Variants in PDE3B observed in about 807,000 individuals in gnomAD.
PDE3B encodes phosphodiesterase 3B.
A neutral mutation model predicts 116.8 loss-of-function variants in PDE3B; 66 were observed. That is an observed-to-expected ratio of 0.56 (90% CI 0.46 to 0.69). PDE3B has a LOEUF of 0.69. PDE3B is among the 30% of genes least tolerant of loss of function. PDE3B has a pLI of 0.00. For synonymous variants in PDE3B, 595 were observed against 533.6 expected (o/e 1.12, Z -1.59); for missense variants, 1,384 against 1,368.1 (o/e 1.01, Z -0.18).
At chr11:14,791,388 C>A (rs904592263) in intron 4 of PDE3B, among the ~76,000 whole-genome samples, 1 of 152,044 alleles carries the variant, frequency 6.6e-6, no homozygotes, top group Non-Finnish European at 1.5e-5. Context: ...GGTTTCTCAT[C>A]ATTCCAGCTG....
intron 7 of PDE3B, 49 bp downstream of exon 7, chr11:14,819,258 C>A (rs757888146): frequency 1.8e-6 from 2 of 1,103,626 alleles, no homozygotes; most frequent in East Asian, 2.4e-5. Context: ...AAATTTCTTA[C>A]AATGATTTTT....
Position 14,830,904 on chromosome 11 carries a change from T to G in PDE3B, c.1956+58T>G, listed in dbSNP as rs946584478. ...AGGTGAAATATAATACTGTTAGTAC[T>G]GGTTTCATTACTTTTGCCCAGAACA... On this transcript the variant is annotated intron_variant, in intron 8 of 15. Coordinates refer to ENST00000282096, the MANE Select transcript of PDE3B (RefSeq NM_000922.4). 1.0e-5 allele frequency: 12 copies of G among 1,152,072 alleles called. No homozygotes were observed. The South Asian group carries it at 2.8e-4, about 27-fold the overall frequency. 71.4% of individuals were successfully genotyped at this position (1,152,072 alleles called of 1,614,324 possible).
intron 1 of PDE3B, among the ~76,000 whole-genome samples, chr11:14,752,618 TTTA>T (rs932793116): frequency 6.6e-6 from 1 of 152,156 alleles, no homozygotes; most frequent in Non-Finnish European, 1.5e-5. Context: ...GTTGAAATGT[TTTA>T]TTAAATTTTA....
At chr11:14,891,492 C>T in the PDE3B span, 4 of 994,084 alleles carry the variant, frequency 4.0e-6, no homozygotes, top group Non-Finnish European at 4.8e-6. Context: ...CAGCAAACGC[C>T]TACACCAGTC....
At chr11:14,860,031 C>T (rs1847918112) in intron 13 of PDE3B, among the ~76,000 whole-genome samples, 1 of 152,114 alleles carries the variant, frequency 6.6e-6, no homozygotes, top group African/African-American at 2.4e-5. Context: ...CAAAGGAGTA[C>T]TAGATTAGAC....
intron 1 of PDE3B, among the ~76,000 whole-genome samples, chr11:14,697,950 C>T (rs1855259033): frequency 6.6e-6 from 1 of 151,954 alleles, no homozygotes; most frequent in Non-Finnish European, 1.5e-5. Flanking sequence ...AATCATGTTA[C>T]CTGTTTTCTT....
chr11:14,788,017 C>CT (rs2133917765), intron 3 of PDE3B, among the ~76,000 whole-genome samples: 1 of 151,832 alleles, frequency 6.6e-6, no homozygotes, highest in African/African-American at 2.4e-5. Flanking sequence ...AACAGGATGC[C>CT]TAAATGCCTC....
chr11:14,859,647 T>A (rs1443851395), intron 13 of PDE3B, among the ~76,000 whole-genome samples: 2 of 152,214 alleles, frequency 1.3e-5, no homozygotes, highest in Non-Finnish European at 2.9e-5. Flanking sequence ...ATCCAGTTAA[T>A]TATGTCTACC....
At position 14,810,324 on chromosome 11, in the gene PDE3B, C is replaced by G. The variant is rs1430546849; in HGVS notation, c.1522+6274C>G. On this transcript the variant is annotated intron_variant, in intron 5 of 15. Transcript: ENST00000282096. The stretch of plus-strand genomic sequence containing the variant: ...CAATGCTATCCCTCCCCCCTCCCCC[C>G]ACCCCACAACAGTCCCCAGAGTGTG... Among the ~76,000 whole-genome samples the G allele has an allele frequency of 9.7e-5, 12 of 123,510 alleles. 1 individual carries two copies. Among genetic ancestry groups the G allele is most frequent in the African/African-American group, 3.3e-4 (11 of 33,218 alleles). The allele number at this position is 123,510 out of a possible 152,430, so 81.0% of individuals were successfully genotyped here.
intron 6 of PDE3B, 80 bp downstream of exon 6, chr11:14,818,473 G>A (rs1859402864): frequency 1.1e-6 from 1 of 878,564 alleles, no homozygotes; most frequent in South Asian, 1.5e-5. Flanking sequence ...ATAGGTTCTT[G>A]GAAACTCCAG....
intron 1 of PDE3B, among the ~76,000 whole-genome samples, chr11:14,652,589 C>G (rs1853599809): frequency 6.6e-6 from 1 of 152,074 alleles, no homozygotes; most frequent in South Asian, 2.1e-4. Context: ...TTTAAGTGTA[C>G]AGTTCAGTGG....
rs749167599 is a variant in PDE3B at position 14,644,972 on chromosome 11, G to C, written c.897G>C (p.Ser299=). 3.1e-6 allele frequency: 5 copies of C among 1,613,858 alleles called. No homozygotes were observed. The highest frequency in any genetic ancestry group is 3.4e-6 in the Non-Finnish European group (4 of 1,179,998). ...CCCGGAGGAGGTCCAGCTGCGTGTC[G>C]TTAGGAGAAACTGCAGCCAGTTACT... ...IRPRRRSSCV[S]LGETAASYYG... is the part of the protein sequence containing the mutation. The change falls in exon 1 of 16, where the codon TCG becomes TCC. Residue 299 remains serine (S), a synonymous_variant. Transcript: ENST00000282096.
rs565908796 is a variant in PDE3B, at chr11:14,656,679, A to G, written c.978+11626A>G. Among the ~76,000 whole-genome samples the G allele has an allele frequency of 7.2e-4, 109 of 152,338 alleles. 1 individual carries two copies. Among genetic ancestry groups the G allele is most frequent in the Admixed American group, 8.5e-4 (13 of 15,308 alleles). On this transcript the variant is annotated intron_variant, in intron 1 of 15. Transcript: ENST00000282096. ...CTTATTGATGTGAAATAGATGTGAT[A>G]TGAAATGTTGTGAGGATTAATAACC...
chr11:14,798,435 G>A (rs2133928625), intron 4 of PDE3B, among the ~76,000 whole-genome samples: 1 of 152,332 alleles, frequency 6.6e-6, no homozygotes, highest in South Asian at 2.1e-4. Flanking sequence ...TCAGGATGAT[G>A]TCGGTGTCAT....
intron 1 of PDE3B, among the ~76,000 whole-genome samples, chr11:14,660,193 G>C (rs543201047): frequency 2.4e-4 from 36 of 152,274 alleles, no homozygotes; most frequent in African/African-American, 8.4e-4. Flanking sequence ...CTGTTTATAA[G>C]GGAGGGGAAT....
At chr11:14,735,610 T>C (rs1856574463) in intron 1 of PDE3B, among the ~76,000 whole-genome samples, 2 of 152,190 alleles carry the variant, frequency 1.3e-5, no homozygotes, top group Non-Finnish European at 2.9e-5. Flanking sequence ...TGTTTAAACT[T>C]CAGTTAAACT....
intron 1 of PDE3B, among the ~76,000 whole-genome samples, chr11:14,678,898 A>T (rs551188846): frequency 1.3e-4 from 20 of 152,176 alleles, no homozygotes; most frequent in African/African-American, 4.8e-4. Context: ...TTTATGTTTT[A>T]CCTTAAGACC....
the PDE3B span, among the ~76,000 whole-genome samples, chr11:14,882,357 A>T: frequency 1.3e-5 from 2 of 152,144 alleles, no homozygotes; most frequent in Non-Finnish European, 2.9e-5. Context: ...CATTCATAGG[A>T]GATGAGGAAG....
chr11:14,756,689 G>T (rs1349619071), intron 1 of PDE3B, among the ~76,000 whole-genome samples: 1 of 152,130 alleles, frequency 6.6e-6, no homozygotes, highest in South Asian at 2.1e-4. Flanking sequence ...ACCTCAGAGA[G>T]CAGGATTACT....
Sources: gnomAD v4.1 joint callset for allele counts (sites outside exome capture counted in the v4.1 genomes callset) on GRCh38, gnomAD v4.1.1 for gene constraint, MANE v1.5 for transcripts, NCBI Gene and HGNC (gene_info 2026-07-23, HGNC 2026-07-21) for gene names.